The following ROBO2 variants were observed in gnomAD, a reference collection of about 807,000 sequenced individuals.
The protein encoded by ROBO2 is roundabout homolog 2.
ROBO2 carries 53 observed loss-of-function variants against 160.8 expected under a neutral mutation model. The observed-to-expected ratio is 0.33, with a 90% CI of 0.26 to 0.41. The LOEUF is 0.41. Among genes scored for constraint, ROBO2 ranks in the 10% least tolerant of loss-of-function variants. The pLI is 1.00. For missense variants in ROBO2, 1,577 were observed against 1,722.4 expected (o/e 0.92, Z 1.49); for synonymous variants, 664 against 611.7 (o/e 1.09, Z -1.26).
intron 2 of ROBO2, among the ~76,000 whole-genome samples, chr3:76,436,664 T>C (rs541344282): frequency 3.1e-4 from 47 of 151,892 alleles, no homozygotes; most frequent in Non-Finnish European, 6.6e-4. Flanking sequence ...TAGAATAAAG[T>C]TAATACCAAA....
intron 2 of ROBO2, among the ~76,000 whole-genome samples, chr3:77,312,748 G>A (rs1280628141): frequency 6.6e-6 from 1 of 152,200 alleles, no homozygotes; most frequent in Non-Finnish European, 1.5e-5. Context: ...CTATTGGTGA[G>A]TGAAAATGTC....
intron 2 of ROBO2, among the ~76,000 whole-genome samples, chr3:76,054,188 G>A (rs1576651822): frequency 6.6e-6 from 1 of 152,008 alleles, no homozygotes; most frequent in African/African-American, 2.4e-5. Flanking sequence ...TATCATGAAC[G>A]AATCCTGATT....
intron 2 of ROBO2, among the ~76,000 whole-genome samples, chr3:77,374,646 T>C (rs2072372713): frequency 1.3e-5 from 2 of 152,184 alleles, no homozygotes; most frequent in Non-Finnish European, 2.9e-5. Flanking sequence ...CTTAATTTGG[T>C]CTAAGTGCTA....
intron 2 of ROBO2, among the ~76,000 whole-genome samples, chr3:77,220,692 A>G (rs1580125600): frequency 6.6e-6 from 1 of 152,124 alleles, no homozygotes; most frequent in African/African-American, 2.4e-5. Context: ...AAATCATGTA[A>G]GTTATAAATA....
chr3:76,659,130 T>C (rs776948636), intron 2 of ROBO2, among the ~76,000 whole-genome samples: 1 of 152,008 alleles, frequency 6.6e-6, no homozygotes, highest in Non-Finnish European at 1.5e-5. Context: ...AGGCTTGCAC[T>C]TGAATATTCA....
At chr3:77,076,098 A>G (rs1360181868) in intron 1 of ROBO2, among the ~76,000 whole-genome samples, 1 of 152,196 alleles carries the variant, frequency 6.6e-6, no homozygotes, top group South Asian at 2.1e-4. Context: ...CAAAGGAGAT[A>G]TTAATAGTTT....
intron 1 of ROBO2, among the ~76,000 whole-genome samples, chr3:77,051,870 C>T (rs2065261344): frequency 6.6e-6 from 1 of 152,118 alleles, no homozygotes; most frequent in Admixed American, 6.5e-5. Context: ...TGAATGAAGT[C>T]GGTTGGATTA....
intron 2 of ROBO2, among the ~76,000 whole-genome samples, chr3:76,900,027 G>C (rs972747413): frequency 6.6e-6 from 1 of 152,000 alleles, no homozygotes; most frequent in Admixed American, 6.6e-5. Flanking sequence ...ACAATTCCAC[G>C]TGGCTGGGGA....
chr3:77,349,894 A>T (rs1488149376), intron 2 of ROBO2, among the ~76,000 whole-genome samples: 1 of 152,084 alleles, frequency 6.6e-6, no homozygotes. Context: ...TGTCTATAGA[A>T]GAAAAATCCC....
intron 4 of ROBO2, among the ~76,000 whole-genome samples, chr3:77,490,796 C>G (rs2086006914): frequency 6.6e-6 from 1 of 152,166 alleles, no homozygotes; most frequent in Non-Finnish European, 1.5e-5. Context: ...CCTTTTCACC[C>G]TATGCGTCTG....
intron 2 of ROBO2, among the ~76,000 whole-genome samples, chr3:76,175,387 CT>C (rs2073193578): frequency 5.3e-5 from 8 of 151,862 alleles, no homozygotes; most frequent in Admixed American, 5.3e-4. Flanking sequence ...TTGTTTTAAG[CT>C]TTAGTATCTT....
intron 2 of ROBO2, among the ~76,000 whole-genome samples, chr3:77,382,033 C>T (rs1173512271): frequency 6.6e-6 from 1 of 151,988 alleles, no homozygotes. Context: ...TAAGTTTGTC[C>T]TTGATGTTTG....
chr3:76,908,211 G>GAA (rs5850297), intron 2 of ROBO2, among the ~76,000 whole-genome samples: 6 of 150,814 alleles, frequency 4.0e-5, no homozygotes, highest in South Asian at 2.1e-4. Flanking sequence ...TCCAAATTAA[G>GAA]AAAAAAAAAC....
intron 2 of ROBO2, among the ~76,000 whole-genome samples, chr3:77,107,288 C>T (rs528931147): frequency 2.6e-5 from 4 of 152,288 alleles, no homozygotes; most frequent in African/African-American, 9.6e-5. Flanking sequence ...GTTCTGACCA[C>T]AGCTCTGGCC....
At chr3:76,361,150 A>G (rs1489221946) in intron 2 of ROBO2, among the ~76,000 whole-genome samples, 1 of 152,100 alleles carries the variant, frequency 6.6e-6, no homozygotes, top group Non-Finnish European at 1.5e-5. Context: ...GGAAACTCAA[A>G]GTAAAAATAG....
upstream of ROBO2, among the ~76,000 whole-genome samples, chr3:77,039,352 T>TG (rs2063840429): frequency 6.6e-6 from 1 of 152,212 alleles, no homozygotes; most frequent in Non-Finnish European, 1.5e-5. Context: ...TTTTAACGCG[T>TG]AATGAGGCTG....
In ROBO2 at chr3:77,236,354, C is replaced by T. The variant is rs79946029; in HGVS notation, c.388+138014C>T. 3.8e-3 allele frequency among the ~76,000 whole-genome samples: 580 copies of T among 152,278 alleles called. 2 individuals are homozygous for T. The highest frequency in any genetic ancestry group is 0.013 in the African/African-American group (538 of 41,564). Reference sequence around the variant, plus strand: ...GGTTGCAGGCTTCACAGAGAACAGACGGTAAATGTTCATCGGACTTAAGGT... The same window carrying T: ...GGTTGCAGGCTTCACAGAGAACAGATGGTAAATGTTCATCGGACTTAAGGT... On this transcript the variant is annotated intron_variant, in intron 2 of 25. Coordinates refer to ENST00000461745, the Ensembl canonical transcript of ROBO2.
At chr3:75,976,728 G>A (rs2065142910) in intron 2 of ROBO2, among the ~76,000 whole-genome samples, 2 of 151,446 alleles carry the variant, frequency 1.3e-5, no homozygotes, top group Admixed American at 6.6e-5. Context: ...GTGACACAGA[G>A]CATTGTAAGA....
chr3:77,577,124 A>G (rs2093787748), intron 14 of ROBO2, among the ~76,000 whole-genome samples: 1 of 152,098 alleles, frequency 6.6e-6, no homozygotes, highest in African/African-American at 2.4e-5. Flanking sequence ...TAAGTCTCTT[A>G]CAGTAACCTT....
Sources: allele counts gnomAD v4.1 joint callset (sites outside exome capture counted in the v4.1 genomes callset), GRCh38; gene constraint gnomAD v4.1.1; transcripts MANE v1.5; gene names NCBI Gene and HGNC (gene_info 2026-07-23, HGNC 2026-07-21).